IFT27: variants seen among roughly 807,000 people sequenced by gnomAD.
IFT27 encodes intraflagellar transport 27.
IFT27 carries 19 observed loss-of-function variants against 23.9 expected under a neutral mutation model. The ratio of observed to expected loss-of-function variants is 0.79; its 90% confidence interval spans 0.55 to 1.16. The LOEUF (loss-of-function observed/expected upper bound fraction) is 1.16, where lower values mean the gene tolerates loss of function less well. IFT27 is among the 50% of genes most tolerant of loss of function. The pLI is 0.00. For missense variants in IFT27, 206 were observed against 228.7 expected, an observed-to-expected ratio of 0.90 and a Z score of 0.64; for synonymous variants, 91 against 89.1, an observed-to-expected ratio of 1.02 and a Z score of -0.12.
intron 6 of IFT27, chr22:36,759,296 C>G (rs577744308): frequency 3.3e-5 from 5 of 152,398 alleles, no homozygotes; most frequent in African/African-American, 1.2e-4. Flanking sequence ...GGAGGTGCCA[C>G]TTTAAATCAA....
chr22:36,767,672 G>C, intron 2 of IFT27, 111 bp downstream of exon 2: 1 of 1,008,504 alleles, frequency 9.9e-7, no homozygotes, highest in Non-Finnish European at 1.6e-6. Context: ...CCTCTGAGCA[G>C]CCTTTCATCA....
Position 36,767,334 on chromosome 22 carries a change from A to G in IFT27, c.146T>C (p.Val49Ala). Residue 49 changes from valine (V) to alanine (A), a missense_variant, in exon 3 of 7, where the codon GTG (valine) becomes GCG (alanine). Transcript: ENST00000433985. ...TTGMDLVVKTVPVPDTGDSVE... is the reference protein window; with the variant it reads ...TTGMDLVVKTAPVPDTGDSVE... ...ACTGTCTCCCGTGTCAGGAACTGGCACTGTCTTCACCACCAAATCCATTCC... is the reference window on the plus strand; with the variant it reads ...ACTGTCTCCCGTGTCAGGAACTGGCGCTGTCTTCACCACCAAATCCATTCC... 6.2e-7 allele frequency: 1 copy of G among 1,613,872 alleles called. No homozygotes were observed. The highest frequency in any genetic ancestry group is 8.5e-7 in the Non-Finnish European group (1 of 1,179,892).
At chr22:36,763,835 C>T (rs761942533) in intron 5 of IFT27, 84 bp downstream of exon 5, 1 of 1,013,548 alleles carries the variant, frequency 9.9e-7, no homozygotes, top group Non-Finnish European at 1.6e-6. Flanking sequence ...CTTCTCCACC[C>T]ACAGCTACCT....
At chr22:36,773,157 C>T (rs1322795571) in intron 1 of IFT27, among the ~76,000 whole-genome samples, 1 of 151,380 alleles carries the variant, frequency 6.6e-6, no homozygotes, top group African/African-American at 2.4e-5. Flanking sequence ...GTCTGGAGTT[C>T]AAGACCAGCC....
chr22:36,768,336 G>C (rs980838575), intron 1 of IFT27: 2 of 333,052 alleles, frequency 6.0e-6, no homozygotes, highest in Admixed American at 8.2e-5. Flanking sequence ...GGGCGTGGGG[G>C]GTGGAAGGGT....
At chr22:36,767,979 T>C in intron 1 of IFT27, 117 bp from the exon 2 acceptor site, 1 of 954,680 alleles carries the variant, frequency 1.0e-6, no homozygotes, top group South Asian at 1.3e-5. Context: ...AGAGATGTAC[T>C]TGCCTCTCAC....
intron 1 of IFT27, among the ~76,000 whole-genome samples, chr22:36,768,728 C>T (rs1938322803): frequency 6.6e-6 from 1 of 152,152 alleles, no homozygotes; most frequent in South Asian, 2.1e-4. Flanking sequence ...TTCCCTTTGC[C>T]CTCCCCATTT....
chr22:36,763,710 A>C, intron 5 of IFT27: 1 of 654,760 alleles, frequency 1.5e-6, no homozygotes, highest in Non-Finnish European at 2.8e-6. Context: ...GCGTGTCCTC[A>C]TTCCCGTTTC....
rs147316407 is a variant in IFT27 at position 36,764,067 on chromosome 22, C to T, written c.235-31G>A. 2.3e-4 allele frequency: 347 copies of T among 1,489,860 alleles called. No homozygotes were observed. The African/African-American group carries it at 4.5e-3, about 19-fold the overall frequency. The allele number at this position is 1,489,860 out of a possible 1,614,324, so 92.3% of individuals were successfully genotyped here. A position where few individuals can be genotyped will look rare whatever the true frequency, so the allele number is the denominator to read the frequency against. On this transcript the variant is annotated intron_variant, in intron 4 of 6. Transcript: ENST00000433985. ...CAAGAGGGACAGGATGAGTATGGGT[C>T]AGTAACAGGAAAAGTGACTTCAAGG...
intron 1 of IFT27, among the ~76,000 whole-genome samples, chr22:36,774,856 T>C (rs55943740): frequency 0.045 from 6,777 of 152,020 alleles, 209 homozygotes; most frequent in Non-Finnish European, 0.071. Context: ...CCTAGCCCAG[T>C]GTGCTATGGT....
At chr22:36,761,702 T>C (rs1938094552) in intron 6 of IFT27, 2 of 152,228 alleles carry the variant, frequency 1.3e-5, no homozygotes, top group South Asian at 4.1e-4. Context: ...TGAAATAACA[T>C]GTCCAGGTTC....
At chr22:36,761,156 A>C (rs772844816) in intron 6 of IFT27, 10 of 152,216 alleles carry the variant, frequency 6.6e-5, no homozygotes, top group Non-Finnish European at 1.2e-4. Flanking sequence ...TCAACACCTC[A>C]ACAGAGTTTA....
At chr22:36,774,226 G>C (rs1444495444) in intron 1 of IFT27, among the ~76,000 whole-genome samples, 1 of 152,138 alleles carries the variant, frequency 6.6e-6, no homozygotes, top group East Asian at 1.9e-4. Context: ...TCATCTTTCT[G>C]TGTGACCCTT....
chr22:36,764,052 AG>A lies in IFT27; in HGVS notation c.235-17del. The stretch of plus-strand genomic sequence containing the variant: ...GACTCTCCCACTGTGCAAGAGGGAC[AG>A]GATGAGTATGGGTCAGTAACAGGAA... On this transcript the variant is annotated splice_polypyrimidine_tract_variant and intron_variant, in intron 4 of 6. Transcript: ENST00000433985. 6.4e-7 allele frequency: 1 copy of A among 1,563,038 alleles called. No homozygotes were observed. Among genetic ancestry groups the A allele is most frequent in the Non-Finnish European group, 8.8e-7 (1 of 1,133,356 alleles).
At chr22:36,770,150 G>A (rs1938357445) in intron 1 of IFT27, among the ~76,000 whole-genome samples, 1 of 152,226 alleles carries the variant, frequency 6.6e-6, no homozygotes, top group Non-Finnish European at 1.5e-5. Flanking sequence ...ACAGCAGGCA[G>A]GGCGCTGCAG....
At chr22:36,763,680 T>G (rs1484406398) in intron 5 of IFT27, 5 of 592,690 alleles carry the variant, frequency 8.4e-6, no homozygotes, top group East Asian at 2.9e-5. Flanking sequence ...TTATTGAGTC[T>G]CCCCACAGCC....
At chr22:36,758,705 T>G (rs1937998742) in intron 6 of IFT27, 1 of 367,046 alleles carries the variant, frequency 2.7e-6, no homozygotes, top group Non-Finnish European at 5.1e-6. Context: ...GCAGTCACTG[T>G]ACGTGTGACG....
In IFT27 at chr22:36,764,340, T is replaced by C. The variant is rs188919503; in HGVS notation, c.235-304A>G. Among the ~76,000 whole-genome samples, 452 of 152,364 alleles carry C rather than the reference T, an allele frequency of 3.0e-3. 1 individual carries two copies. Among genetic ancestry groups the C allele is most frequent in the Non-Finnish European group, 4.9e-3 (330 of 68,024 alleles). On this transcript the variant is annotated intron_variant, in intron 4 of 6. Coordinates refer to ENST00000433985, the MANE Select transcript of IFT27 (RefSeq NM_001177701.3). ...CCAACTCGGTAGAGTGTCTGAATATTTCCACTTTGTAGCTGAAGAAACCAA... is the reference window on the plus strand; with the variant it reads ...CCAACTCGGTAGAGTGTCTGAATATCTCCACTTTGTAGCTGAAGAAACCAA...
In IFT27 at chr22:36,775,801, C is replaced by A; in HGVS notation, c.-94G>T. On this transcript the variant is annotated 5_prime_UTR_variant, in exon 1 of 7. Coordinates refer to ENST00000433985, the MANE Select transcript of IFT27 (RefSeq NM_001177701.3). ...CTTCGGGCCCTGGGCTGGCCTGGGA[C>A]GGGAAGGTGGGGAGGGGAGGGCTGA... 7.8e-7 allele frequency: 1 copy of A among 1,281,680 alleles called. No individual in the cohort carries two copies. The highest frequency in any genetic ancestry group is 1.7e-5 in the Admixed American group (1 of 58,070). The allele number at this position is 1,281,680 out of a possible 1,614,324, so 79.4% of individuals were successfully genotyped here. A position where few individuals can be genotyped will look rare whatever the true frequency, so the allele number is the denominator to read the frequency against.
Sources: gnomAD v4.1 joint callset for allele counts (sites outside exome capture counted in the v4.1 genomes callset) on GRCh38, gnomAD v4.1.1 for gene constraint, MANE v1.5 for transcripts, NCBI Gene and HGNC (gene_info 2026-07-23, HGNC 2026-07-21) for gene names.